The following GALNT13 variants were observed in gnomAD, a reference collection of about 807,000 sequenced individuals.
GALNT13 encodes the protein UDP-GalNAc:polypeptide N-acetylgalactosaminyltransferase 13.
Under a neutral mutation model 64.2 loss-of-function variants are expected in GALNT13, and 28 were observed. The observed-to-expected ratio is 0.44, with a 90% CI of 0.32 to 0.60. The LOEUF is 0.60. GALNT13 is among the 20% of genes least tolerant of loss of function. The pLI, the probability that GALNT13 is intolerant of heterozygous loss-of-function variation, is 0.05. For missense variants in GALNT13, 577 were observed against 669.8 expected, an observed-to-expected ratio of 0.86 and a Z score of 1.53; for synonymous variants, 214 against 224.6, an observed-to-expected ratio of 0.95 and a Z score of 0.42.
intron 3 of GALNT13, among the ~76,000 whole-genome samples, chr2:154,096,859 A>T (rs888203429): frequency 3.9e-5 from 6 of 152,088 alleles, no homozygotes; most frequent in Non-Finnish European, 8.8e-5. Context: ...AAGTTGGAAG[A>T]TACAGCTTAT....
At chr2:154,434,345 C>T (rs1054291434) in intron 11 of GALNT13, among the ~76,000 whole-genome samples, 2 of 152,090 alleles carry the variant, frequency 1.3e-5, no homozygotes, top group Non-Finnish European at 1.5e-5. Flanking sequence ...CTGCAAATTC[C>T]GCCTCCCGGG....
chr2:153,254,915 T>C, the GALNT13 span, among the ~76,000 whole-genome samples: 1 of 152,114 alleles, frequency 6.6e-6, no homozygotes, highest in Admixed American at 6.5e-5. Context: ...GGAATAGGTG[T>C]GGTGTGGTAC....
At chr2:154,280,771 C>T (rs1013259853) in intron 8 of GALNT13, among the ~76,000 whole-genome samples, 33 of 152,318 alleles carry the variant, frequency 2.2e-4, no homozygotes, top group African/African-American at 7.2e-4. Flanking sequence ...TGTCATGAGC[C>T]ACTCTGTGGC....
chr2:153,234,165 G>T, the GALNT13 span, among the ~76,000 whole-genome samples: 4 of 152,104 alleles, frequency 2.6e-5, no homozygotes, highest in Non-Finnish European at 5.9e-5. Flanking sequence ...ATTAGGATTT[G>T]GTTTGCTTGA....
At chr2:153,420,449 T>C in the GALNT13 span, among the ~76,000 whole-genome samples, 10 of 152,170 alleles carry the variant, frequency 6.6e-5, no homozygotes, top group African/African-American at 1.4e-4. Context: ...GGAAAAAATA[T>C]AGCAAATATG....
chr2:153,379,714 T>A, the GALNT13 span, among the ~76,000 whole-genome samples: 63 of 152,192 alleles, frequency 4.1e-4, no homozygotes, highest in African/African-American at 1.5e-3. Context: ...TAGTCATACT[T>A]TAATATTTAT....
chr2:153,608,614 T>C, the GALNT13 span, among the ~76,000 whole-genome samples: 1 of 149,272 alleles, frequency 6.7e-6, no homozygotes, highest in Non-Finnish European at 1.5e-5. Flanking sequence ...TTATATATAA[T>C]ATATACATAT....
chr2:153,330,545 A>T, the GALNT13 span, among the ~76,000 whole-genome samples: 6 of 151,708 alleles, frequency 4.0e-5, no homozygotes, highest in African/African-American at 1.4e-4. Context: ...ATGGGATTGC[A>T]TTCTTATTTT....
chr2:153,909,783 T>C (rs1489122021), intron 2 of GALNT13, among the ~76,000 whole-genome samples: 1 of 152,186 alleles, frequency 6.6e-6, no homozygotes, highest in East Asian at 1.9e-4. Flanking sequence ...AAAGCCTACT[T>C]GATCATGGTG....
At chr2:153,485,694 G>A in the GALNT13 span, among the ~76,000 whole-genome samples, 5 of 152,068 alleles carry the variant, frequency 3.3e-5, no homozygotes, top group Non-Finnish European at 5.9e-5. Flanking sequence ...CTTGAGCCCA[G>A]GAGTCCCAGA....
the GALNT13 span, among the ~76,000 whole-genome samples, chr2:153,220,166 T>C: frequency 6.6e-6 from 1 of 152,128 alleles, no homozygotes; most frequent in Admixed American, 6.5e-5. Flanking sequence ...TATGTCACAG[T>C]AGGTGGCTAG....
chr2:154,266,777 ATTTAC>A (rs1691027655), intron 8 of GALNT13, among the ~76,000 whole-genome samples: 1 of 151,724 alleles, frequency 6.6e-6, no homozygotes, highest in African/African-American at 2.4e-5. Context: ...AGTGTATTGT[ATTTAC>A]TTAACTATTG....
chr2:153,094,169 T>G, the GALNT13 span, among the ~76,000 whole-genome samples: 1 of 152,220 alleles, frequency 6.6e-6, no homozygotes, highest in Non-Finnish European at 1.5e-5. Flanking sequence ...TGACTTTATT[T>G]TTTTCATATT....
the GALNT13 span, among the ~76,000 whole-genome samples, chr2:153,325,269 T>C: frequency 6.6e-6 from 1 of 152,092 alleles, no homozygotes; most frequent in East Asian, 1.9e-4. Context: ...TTCTAGATTT[T>C]CTAGTTTATG....
chr2:154,333,819 G>GA (rs71309012), intron 9 of GALNT13, among the ~76,000 whole-genome samples: 53,421 of 151,866 alleles, frequency 0.35, 9,715 homozygotes, highest in Middle Eastern at 0.57. Context: ...AAGAGAAAAT[G>GA]TAGTAGTTCT....
chr2:153,555,924 T>C, the GALNT13 span, among the ~76,000 whole-genome samples: 1 of 152,238 alleles, frequency 6.6e-6, no homozygotes, highest in East Asian at 1.9e-4. Flanking sequence ...AAACACAGCA[T>C]CATGCTTTTG....
intron 9 of GALNT13, among the ~76,000 whole-genome samples, chr2:154,307,155 C>A (rs1693784735): frequency 6.6e-6 from 1 of 152,008 alleles, no homozygotes. Context: ...TCTGAGTTTT[C>A]CATAGGAAAA....
At chr2:153,957,467 A>C (rs1228227792) in intron 3 of GALNT13, among the ~76,000 whole-genome samples, 1 of 152,222 alleles carries the variant, frequency 6.6e-6, no homozygotes, top group African/African-American at 2.4e-5. Flanking sequence ...GACTTCCAGT[A>C]AACTTACTTG....
intron 3 of GALNT13, among the ~76,000 whole-genome samples, chr2:153,982,634 G>C (rs926846458): frequency 2.0e-5 from 3 of 151,928 alleles, no homozygotes; most frequent in African/African-American, 7.2e-5. Flanking sequence ...AGGTAATATA[G>C]GTTCTATTCT....
Sources: gnomAD v4.1 joint callset for allele counts (sites outside exome capture counted in the v4.1 genomes callset) on GRCh38, gnomAD v4.1.1 for gene constraint, MANE v1.5 for transcripts, NCBI Gene and HGNC (gene_info 2026-07-23, HGNC 2026-07-21) for gene names.